CNOT9: variants seen among roughly 807,000 people sequenced by gnomAD.
CNOT9 encodes CCR4-NOT transcription complex subunit 9, also known as RCD1 required for cell differentiation1 homolog.
A neutral mutation model predicts 37.4 loss-of-function variants in CNOT9; 8 were observed. The observed-to-expected ratio is 0.21, with a 90% CI of 0.13 to 0.39. The LOEUF is 0.39. CNOT9 is among the 10% of genes least tolerant of loss of function. The probability of loss-of-function intolerance (pLI) is 1.00; values close to 1 mark genes in which losing one functional copy is unlikely to be tolerated. For missense variants in CNOT9, 154 were observed against 365.3 expected, an observed-to-expected ratio of 0.42 and a Z score of 4.71; for synonymous variants, 120 against 137.6, an observed-to-expected ratio of 0.87 and a Z score of 0.90.
At chr2:218,572,356 C>T (rs1694028480) in intron 1 of CNOT9, among the ~76,000 whole-genome samples, 1 of 152,040 alleles carries the variant, frequency 6.6e-6, no homozygotes, top group Non-Finnish European at 1.5e-5. Context: ...ACAAAATGCT[C>T]AGTGGTTGGC....
In CNOT9 at chr2:218,594,409, C is replaced by A; in HGVS notation, c.*133C>A. 9.9e-7 allele frequency: 1 copy of A among 1,006,228 alleles called. No homozygotes were observed. Among genetic ancestry groups the A allele is most frequent in the Non-Finnish European group, 1.4e-6 (1 of 696,592 alleles). The allele number at this position is 1,006,228 out of a possible 1,614,324, so 62.3% of individuals were successfully genotyped here. A position where few individuals can be genotyped will look rare whatever the true frequency, so the allele number is the denominator to read the frequency against. ...GCTGAACCGCACTGGAGAAAAGGGG[C>A]AAGGTACCCCTGCTGAGGTGTATGG... On this transcript the variant is annotated 3_prime_UTR_variant, in exon 8 of 8. Coordinates refer to ENST00000273064, the MANE Select transcript of CNOT9 (RefSeq NM_005444.3).
intron 7 of CNOT9, chr2:218,593,591 C>A (rs1694848882): frequency 1.1e-5 from 17 of 1,482,076 alleles, no homozygotes; most frequent in Non-Finnish European, 1.3e-5. Flanking sequence ...AAAAGTTCAT[C>A]TGATAATACT....
At position 218,568,901 on chromosome 2, in the gene CNOT9, G is replaced by C; in HGVS notation, c.-54G>C. The C allele has an allele frequency of 1.3e-6, 2 of 1,585,260 alleles. No homozygotes were observed. The highest frequency in any genetic ancestry group is 1.7e-6 in the Non-Finnish European group (2 of 1,163,928). ...TTTCCGCTGCAGGGGTGCTGAAGGG[G>C]GGACGCGGGTCGGACGCGTCCGGCT... On this transcript the variant is annotated 5_prime_UTR_variant, in exon 1 of 8. Transcript: ENST00000273064.
intron 1 of CNOT9, 136 bp downstream of exon 1, chr2:218,569,114 T>G: frequency 1.1e-6 from 1 of 915,886 alleles, no homozygotes; most frequent in Non-Finnish European, 1.7e-6. Flanking sequence ...CCGGTTCCCC[T>G]CCTCGGCACG....
At chr2:218,572,637 A>G in intron 1 of CNOT9, 3 of 982,924 alleles carry the variant, frequency 3.1e-6, no homozygotes, top group Non-Finnish European at 3.6e-6. Flanking sequence ...TCTCAAAGGA[A>G]AAAGAAAACT....
chr2:218,570,211 C>T (rs537994508), intron 1 of CNOT9, among the ~76,000 whole-genome samples: 1 of 152,278 alleles, frequency 6.6e-6, no homozygotes, highest in Admixed American at 6.5e-5. Context: ...TGCCTGAAGA[C>T]CAATTCTGCT....
At chr2:218,570,445 A>G (rs1423326343) in intron 1 of CNOT9, among the ~76,000 whole-genome samples, 1 of 152,194 alleles carries the variant, frequency 6.6e-6, no homozygotes, top group African/African-American at 2.4e-5. Context: ...GCCTCCTTTC[A>G]TACTGTTTCT....
At chr2:218,593,368 G>C (rs985668600) in intron 7 of CNOT9, among the ~76,000 whole-genome samples, 2 of 152,144 alleles carry the variant, frequency 1.3e-5, no homozygotes, top group Admixed American at 6.5e-5. Flanking sequence ...CTACCTGTTT[G>C]TTGACCATTT....
At chr2:218,585,830 A>G (rs1054889684) in intron 4 of CNOT9, among the ~76,000 whole-genome samples, 9 of 151,748 alleles carry the variant, frequency 5.9e-5, no homozygotes, top group Admixed American at 2.0e-4. Flanking sequence ...TGTAGACACA[A>G]GGTCTCACTT....
intron 7 of CNOT9, chr2:218,593,742 TTGTTAA>T: frequency 8.3e-7 from 1 of 1,208,794 alleles, no homozygotes; most frequent in South Asian, 2.8e-5. Flanking sequence ...GATGATATCC[TTGTTAA>T]TGTACTGATT....
intron 4 of CNOT9, among the ~76,000 whole-genome samples, chr2:218,585,648 T>A (rs202179699): frequency 1.1e-4 from 10 of 91,086 alleles, no homozygotes; most frequent in African/African-American, 2.3e-4. Context: ...ATTTTTTTTT[T>A]TTTTTTTTGA....
chr2:218,594,483 C>T lies in CNOT9; in HGVS notation c.*207C>T. 1 of 574,848 alleles carries T rather than the reference C, an allele frequency of 1.7e-6. No homozygotes were observed. Among genetic ancestry groups the T allele is most frequent in the South Asian group, 2.3e-5 (1 of 43,394 alleles). The allele number at this position is 574,848 out of a possible 1,614,324, so 35.6% of individuals were successfully genotyped here. ...GGACCTGGGCTCCCTCTGCTACTCC[C>T]AGGAAATGGGCTCCTGACACAGCAG... is the stretch of plus-strand genomic sequence containing the variant. On this transcript the variant is annotated 3_prime_UTR_variant, in exon 8 of 8. Transcript: ENST00000273064.
chr2:218,572,586 A>G, intron 1 of CNOT9: 3 of 638,020 alleles, frequency 4.7e-6, no homozygotes, highest in Non-Finnish European at 5.8e-6. Flanking sequence ...AGCCATGATC[A>G]TGCTACCGCA....
In CNOT9 at chr2:218,594,606, G is replaced by A. The variant is rs1050378492; in HGVS notation, c.*330G>A. On this transcript the variant is annotated 3_prime_UTR_variant, in exon 8 of 8. Coordinates refer to ENST00000273064, the MANE Select transcript of CNOT9 (RefSeq NM_005444.3). The stretch of plus-strand genomic sequence containing the variant: ...TCTCCCCTACCTCTACCTAGCCACT[G>A]GCAGGGAGGGGAGACAGTGGTGATA... 1.1e-5 allele frequency: 3 copies of A among 279,526 alleles called. No individual in the cohort carries two copies. Among genetic ancestry groups the A allele is most frequent in the African/African-American group, 6.6e-5 (3 of 45,768 alleles). 17.3% of individuals were successfully genotyped at this position (279,526 alleles called of 1,614,324 possible).
intron 1 of CNOT9, among the ~76,000 whole-genome samples, chr2:218,569,487 C>T (rs1294658360): frequency 2.0e-5 from 3 of 152,132 alleles, no homozygotes; most frequent in African/African-American, 7.2e-5. Flanking sequence ...AACTTTTCCT[C>T]GACACATCTC....
chr2:218,573,817 C>G (rs1170890865), intron 1 of CNOT9: 1 of 261,896 alleles, frequency 3.8e-6, no homozygotes. Flanking sequence ...GTATGTTAAG[C>G]TTTCTTGGGG....
intron 7 of CNOT9, 111 bp from the exon 8 acceptor site, chr2:218,593,997 T>C (rs1575000062): frequency 2.3e-5 from 26 of 1,145,844 alleles, no homozygotes; most frequent in Non-Finnish European, 3.2e-5. Context: ...TAAGGAGCCA[T>C]AGATTCACAG....
chr2:218,573,953 G>A, intron 1 of CNOT9: 1 of 411,208 alleles, frequency 2.4e-6, no homozygotes, highest in South Asian at 1.7e-5. Flanking sequence ...GAACAGGACT[G>A]TTGACTTTAT....
chr2:218,575,387 CTT>C (rs71064461), intron 1 of CNOT9, among the ~76,000 whole-genome samples: 18 of 127,224 alleles, frequency 1.4e-4, no homozygotes, highest in Non-Finnish European at 2.6e-4. Context: ...TTTCTTTTTT[CTT>C]TTTTTTTTTT....
Sources: gnomAD v4.1 joint callset for allele counts (sites outside exome capture counted in the v4.1 genomes callset) on GRCh38, gnomAD v4.1.1 for gene constraint, MANE v1.5 for transcripts, NCBI Gene and HGNC (gene_info 2026-07-23, HGNC 2026-07-21) for gene names.